TNXB: variants seen among roughly 807,000 people sequenced by gnomAD.
TNXB encodes the protein tenascin XB.
A neutral mutation model predicts 340.5 loss-of-function variants in TNXB; 183 were observed. The ratio of observed to expected loss-of-function variants is 0.54; its 90% CI spans 0.48 to 0.61. The LOEUF is 0.61. Among genes scored for constraint, TNXB ranks in the 20% least tolerant of loss-of-function variants. The pLI is 0.00. For missense variants in TNXB, 4,613 were observed against 5,446.4 expected (o/e 0.85, Z 4.82); for synonymous variants, 2,121 against 2,314.5 (o/e 0.92, Z 2.40).
Position 32,051,455 on chromosome 6 carries a change from T to C in TNXB, c.9116-1134A>G, listed in dbSNP as rs192282968. ...AATCTGTTACTGGGAGGAGCTTTGC[T>C]ACAAAGGTGTTCTGTGATTTGCACA... On this transcript the variant is annotated intron_variant, in intron 26 of 43. Transcript: ENST00000644971. This position sits in a 1 kb window ranked among gnomAD's most constrained non-coding sequence, Gnocchi z 4.7. Among the ~76,000 whole-genome samples the C allele has an allele frequency of 3.9e-5, 6 of 152,366 alleles. No individual in the cohort carries two copies. Among genetic ancestry groups the C allele is most frequent in the African/African-American group, 1.2e-4 (5 of 41,590 alleles).
At position 32,058,287 on chromosome 6, in the gene TNXB, T is replaced by A. The variant is rs751093629; in HGVS notation, c.7596A>T (p.Gly2532=). Reference sequence around the variant, plus strand: ...AAAGGCTCAGCGAGTCAGGGGAGGATCCTGTCACTGTCAGCTCCCCCAGGA... The same window carrying A: ...AAAGGCTCAGCGAGTCAGGGGAGGAACCTGTCACTGTCAGCTCCCCCAGGA... ...EPLLGELTVT[G]SSPDSLSLSW... The change falls in exon 22 of 44, where the codon GGA becomes GGT. Residue 2532 remains glycine, a synonymous_variant. Coordinates refer to ENST00000644971, the MANE Select transcript of TNXB (RefSeq NM_001365276.2). The surrounding 1 kb of genome is among the most constrained non-coding windows in gnomAD (Gnocchi z 5.1). 2.5e-6 allele frequency: 4 copies of A among 1,612,200 alleles called. No individual in the cohort carries two copies. Among genetic ancestry groups the A allele is most frequent in the Non-Finnish European group, 2.5e-6 (3 of 1,179,818 alleles).
chr6:32,096,174 G>T lies in TNXB; in HGVS notation c.1679C>A (p.Pro560His). 6.4e-7 allele frequency: 1 copy of T among 1,572,942 alleles called. No individual in the cohort carries two copies. The highest frequency in any genetic ancestry group is 2.4e-5 in the East Asian group (1 of 42,380). The part of the protein sequence containing the change: ...SGEDCSTRSC[P>H]GGCRGRGQCL... ...CTGGCCGCGGCCTCGGCAGCCCCCG[G>T]GGCAGCTGCGCGTGCTGCAGTCTTC... Residue 560 changes from proline (P) to histidine (H), a missense_variant, in exon 3 of 44, where the codon CCC becomes CAC. Around this residue, in one of 7 missense-constraint regions of TNXB, gnomAD observed 4,327 missense variants for 4,859.4 expected, o/e 0.89. Transcript: ENST00000644971.
In TNXB at chr6:32,041,758, C is replaced by A. The variant is rs1776418223; in HGVS notation, c.12633+13G>T. 1 of 733,910 alleles carries A rather than the reference C, an allele frequency of 1.4e-6. No individual in the cohort carries two copies. The highest frequency in any genetic ancestry group is 2.6e-5 in the Admixed American group (1 of 38,912). The allele number at this position is 733,910 out of a possible 1,614,324, so 45.5% of individuals were successfully genotyped here. On this transcript the variant is annotated intron_variant, in intron 43 of 43. Coordinates refer to ENST00000644971, the MANE Select transcript of TNXB (RefSeq NM_001365276.2). ...CAGCCACCCCAGCTCTGAGCCGCCTCCCCACCCCTCACCTGATGGTCCACT... is the reference window on the plus strand; with the variant it reads ...CAGCCACCCCAGCTCTGAGCCGCCTACCCACCCCTCACCTGATGGTCCACT...
intron 1 of TNXB, among the ~76,000 whole-genome samples, chr6:32,099,363 G>T (rs1367072511): frequency 6.6e-6 from 1 of 151,958 alleles, no homozygotes; most frequent in African/African-American, 2.4e-5. Flanking sequence ...CTCCTGAGTA[G>T]CTGGGATTAT....
In TNXB at chr6:32,049,271, C is replaced by T. The variant is rs753566265; in HGVS notation, c.9756G>A (p.Thr3252=). 9 of 1,609,264 alleles carry T rather than the reference C, an allele frequency of 5.6e-6. No individual in the cohort carries two copies. The highest frequency in any genetic ancestry group is 5.5e-5 in the South Asian group (5 of 90,896). ...RVGPVSTVGI[T]APLPTPLPVE... Reference sequence around the variant, plus strand: ...ACGAGGGCCTGTCCCCCCACTCACCCGTGATGCCCACGGTGGACACTGGGC... The same window carrying T: ...ACGAGGGCCTGTCCCCCCACTCACCTGTGATGCCCACGGTGGACACTGGGC... Residue 3252 remains threonine (T), a splice_region_variant and synonymous_variant, in exon 28 of 44, where the codon ACG becomes ACA. Transcript: ENST00000644971. This position sits in a 1 kb window ranked among gnomAD's most constrained non-coding sequence, Gnocchi z 4.5.
At position 32,062,054 on chromosome 6, in the gene TNXB, G is replaced by A; in HGVS notation, c.7168+103C>T. Reference sequence around the variant, plus strand: ...CCCAGCCCCAGCCACAAGTAGGTCTGTGGTGCTGACCAGACCCGTCCCATT... The same window carrying A: ...CCCAGCCCCAGCCACAAGTAGGTCTATGGTGCTGACCAGACCCGTCCCATT... On this transcript the variant is annotated intron_variant, in intron 20 of 43. Coordinates refer to ENST00000644971, the MANE Select transcript of TNXB (RefSeq NM_001365276.2). The surrounding 1 kb of genome is among the most constrained non-coding windows in gnomAD (Gnocchi z 4.3). The A allele has an allele frequency of 7.2e-7, 1 of 1,396,992 alleles. No individual in the cohort carries two copies. The highest frequency in any genetic ancestry group is 9.7e-7 in the Non-Finnish European group (1 of 1,030,658). 86.5% of individuals were successfully genotyped at this position (1,396,992 alleles called of 1,614,324 possible). A position where few individuals can be genotyped will look rare whatever the true frequency, so the allele number is the denominator to read the frequency against.
chr6:32,061,664 G>A lies in TNXB; in HGVS notation c.7225C>T (p.Pro2409Ser). 1 of 1,612,722 alleles carries A rather than the reference G, an allele frequency of 6.2e-7. No individual in the cohort carries two copies. The highest frequency in any genetic ancestry group is 8.5e-7 in the Non-Finnish European group (1 of 1,179,824). The stretch of plus-strand genomic sequence containing the variant: ...AGCTCCCCCAGGAGCGGCTCCTCAG[G>A]GGGCTCCGGGGCCTCCATGCTGGGT... The part of the protein sequence containing the change: ...TEPSMEAPEP[P>S]EEPLLGELTV... The change falls in exon 21 of 44, where the codon CCT becomes TCT. Residue 2409 changes from proline to serine, a missense_variant. Physicochemically the swap from Pro to Ser is moderately conservative, Grantham distance 74. This residue lies in a region of TNXB where 4,327 missense variants were observed against 4,859.4 expected (regional missense o/e 0.89). Transcript: ENST00000644971. The surrounding 1 kb of genome is among the most constrained non-coding windows in gnomAD (Gnocchi z 4.4).
rs1376567140 is a variant in TNXB, at chr6:32,074,136, C to G, written c.4376-184G>C. The stretch of plus-strand genomic sequence containing the variant: ...GGTTCAAGCGATCCTCCTGCCTTAG[C>G]CTCCCAAGTAGCTGGGACTACAGGC... On this transcript the variant is annotated intron_variant, in intron 11 of 43. Transcript: ENST00000644971. This position sits in a 1 kb window ranked among gnomAD's most constrained non-coding sequence, Gnocchi z 5.5. Among the ~76,000 whole-genome samples the G allele has an allele frequency of 2.0e-5, 3 of 152,216 alleles. No homozygotes were observed. The highest frequency in any genetic ancestry group is 4.4e-5 in the Non-Finnish European group (3 of 68,024).
Position 32,070,072 on chromosome 6 carries a change from T to C in TNXB, c.5278+55A>G, listed in dbSNP as rs1200107734. 4 of 1,483,616 alleles carry C rather than the reference T, an allele frequency of 2.7e-6. No individual in the cohort carries two copies. The highest frequency in any genetic ancestry group is 3.6e-6 in the Non-Finnish European group (4 of 1,122,016). The allele number at this position is 1,483,616 out of a possible 1,614,324, so 91.9% of individuals were successfully genotyped here. A position where few individuals can be genotyped will look rare whatever the true frequency, so the allele number is the denominator to read the frequency against. ...TAATGGCAGCCACCACAAGTGACCG[T>C]CTGCTGCTTGGCCTGAGGGGAGCAG... On this transcript the variant is annotated intron_variant, in intron 14 of 43. Coordinates refer to ENST00000644971, the MANE Select transcript of TNXB (RefSeq NM_001365276.2). This position sits in a 1 kb window ranked among gnomAD's most constrained non-coding sequence, Gnocchi z 6.0.
In TNXB at chr6:32,070,109, G is replaced by A. The variant is rs756406522; in HGVS notation, c.5278+18C>T. ...CCTGAGGGGAGCAGAGCAGGGACCT[G>A]CAGGGAATGCCCCTCACCCGTGGTG... On this transcript the variant is annotated intron_variant, in intron 14 of 43. Coordinates refer to ENST00000644971, the MANE Select transcript of TNXB (RefSeq NM_001365276.2). The surrounding 1 kb of genome is among the most constrained non-coding windows in gnomAD (Gnocchi z 6.0). The A allele has an allele frequency of 3.2e-6, 5 of 1,539,158 alleles. No individual in the cohort carries two copies. The highest frequency in any genetic ancestry group is 4.4e-6 in the Non-Finnish European group (5 of 1,142,024).
intron 1 of TNXB, among the ~76,000 whole-genome samples, chr6:32,106,140 G>A (rs570364877): frequency 6.6e-6 from 1 of 151,020 alleles, no homozygotes; most frequent in Non-Finnish European, 1.5e-5. Context: ...ATGGGGGGGG[G>A]GGCTTCTGGG....
At position 32,082,381 on chromosome 6, in the gene TNXB, A is replaced by C; in HGVS notation, c.3446-55T>G. Reference sequence around the variant, plus strand: ...GACTTAGGTCCAAGGAGAATGGGGAAGCCAAATCCCACATAGGAATGCTGT... The same window carrying C: ...GACTTAGGTCCAAGGAGAATGGGGACGCCAAATCCCACATAGGAATGCTGT... On this transcript the variant is annotated intron_variant, in intron 8 of 43. Transcript: ENST00000644971. The surrounding 1 kb of genome is among the most constrained non-coding windows in gnomAD (Gnocchi z 5.0). 6.6e-7 allele frequency: 1 copy of C among 1,504,830 alleles called. No individual in the cohort carries two copies. Among genetic ancestry groups the C allele is most frequent in the Non-Finnish European group, 9.0e-7 (1 of 1,116,108 alleles). The allele number at this position is 1,504,830 out of a possible 1,614,324, so 93.2% of individuals were successfully genotyped here.
intron 1 of TNXB, among the ~76,000 whole-genome samples, chr6:32,106,345 T>TA (rs1780980858): frequency 6.6e-6 from 1 of 151,746 alleles, no homozygotes; most frequent in South Asian, 2.1e-4. Context: ...AGGATTCAGC[T>TA]AGGGTGAAGA....
chr6:32,061,632 C>A lies in TNXB; in HGVS notation c.7257G>T (p.Val2419=). 6.2e-7 allele frequency: 1 copy of A among 1,612,800 alleles called. No individual in the cohort carries two copies. Among genetic ancestry groups the A allele is most frequent in the Non-Finnish European group, 8.5e-7 (1 of 1,179,828 alleles). Residue 2419 remains valine (V), a synonymous_variant, in exon 21 of 44, where the codon GTG becomes GTT. Transcript: ENST00000644971. This position sits in a 1 kb window ranked among gnomAD's most constrained non-coding sequence, Gnocchi z 4.4. The part of the protein sequence containing the change: ...PEEPLLGELT[V]TGSSPDSLSL... Reference sequence around the variant, plus strand: ...TCAGCGAGTCAGGGGAGGATCCTGTCACTGTTAGCTCCCCCAGGAGCGGCT... The same window carrying A: ...TCAGCGAGTCAGGGGAGGATCCTGTAACTGTTAGCTCCCCCAGGAGCGGCT...
In TNXB at chr6:32,099,656, G is replaced by A. The variant is rs1467324084; in HGVS notation, c.-8-1450C>T. 3.3e-5 allele frequency among the ~76,000 whole-genome samples: 5 copies of A among 151,450 alleles called. No individual in the cohort carries two copies. The East Asian group carries it at 9.6e-4, about 29-fold the overall frequency. ...TGGGATTAAAAGCATGAGCCACCATGCTTGGCTTCTCTCTCTTTTTTATTC... is the reference window on the plus strand; with the variant it reads ...TGGGATTAAAAGCATGAGCCACCATACTTGGCTTCTCTCTCTTTTTTATTC... On this transcript the variant is annotated intron_variant, in intron 1 of 43. Transcript: ENST00000644971.
At position 32,087,824 on chromosome 6, in the gene TNXB, G is replaced by T. The variant is rs547322379; in HGVS notation, c.2779+961C>A. On this transcript the variant is annotated intron_variant, in intron 6 of 43. Coordinates refer to ENST00000644971, the MANE Select transcript of TNXB (RefSeq NM_001365276.2). This position sits in a 1 kb window ranked among gnomAD's most constrained non-coding sequence, Gnocchi z 9.0. ...GCCGTCAGGTTGCCCCAAGGCCGCC[G>T]TGGGGGCTGGGACAGGCTTGGCCTG... 206 of 506,872 alleles carry T rather than the reference G, an allele frequency of 4.1e-4. 1 individual carries two copies. The highest frequency in any genetic ancestry group is 2.6e-3 in the South Asian group (185 of 70,306). 31.4% of individuals were successfully genotyped at this position (506,872 alleles called of 1,614,324 possible). A position where few individuals can be genotyped will look rare whatever the true frequency, so the allele number is the denominator to read the frequency against.
chr6:32,059,258 A>G lies in TNXB; in HGVS notation c.7493-868T>C, dbSNP rs372838177. Among the ~76,000 whole-genome samples the G allele has an allele frequency of 3.3e-5, 5 of 151,268 alleles. No homozygotes were observed. In the East Asian group the frequency reaches 5.8e-4, roughly 18 times the overall value. On this transcript the variant is annotated intron_variant, in intron 21 of 43. Coordinates refer to ENST00000644971, the MANE Select transcript of TNXB (RefSeq NM_001365276.2). ...ATATCATGAAACCCGGTCTCTACTG[A>G]AAATACAAAAATTAGCCAGGCGTGG...
rs41270450 is a variant in TNXB, at chr6:32,049,396, G to A, written c.9631C>T (p.Arg3211Cys). ...ACCTCGCTCTCCTCGCCCCTGACAC[G>A]CACCACCTGGGGCTGCCCGTCCCTG... ...KDRDGQPQVV[R>C]VRGEESEVTV... Residue 3211 changes from arginine (R) to cysteine (C), a missense_variant, in exon 28 of 44, where the codon CGT (arginine) becomes TGT (cysteine). This residue lies in a region of TNXB where 4,327 missense variants were observed against 4,859.4 expected (regional missense o/e 0.89). Transcript: ENST00000644971. The surrounding 1 kb of genome is among the most constrained non-coding windows in gnomAD (Gnocchi z 4.5). The A allele has an allele frequency of 1.9e-6, 3 of 1,612,558 alleles. No individual in the cohort carries two copies. Among genetic ancestry groups the A allele is most frequent in the South Asian group, 2.2e-5 (2 of 91,024 alleles).
In TNXB at chr6:32,053,582, A is replaced by T. The variant is rs746830728; in HGVS notation, c.8597T>A (p.Val2866Asp). The T allele has an allele frequency of 6.8e-6, 11 of 1,613,438 alleles. No homozygotes were observed. Among genetic ancestry groups the T allele is most frequent in the Non-Finnish European group, 9.3e-6 (11 of 1,179,842 alleles). The part of the protein sequence containing the change: ...TPDSLSLSWM[V>D]PEGQFDHFLV... ...GAAGTGGTCAAACTGGCCCTCGGGGACCATCCAGGACAGGCTGAGGGAGTC... is the reference window on the plus strand; with the variant it reads ...GAAGTGGTCAAACTGGCCCTCGGGGTCCATCCAGGACAGGCTGAGGGAGTC... Residue 2866 changes from valine to aspartate, a missense_variant, in exon 25 of 44, where the codon GTC becomes GAC. Val to Asp is a radical substitution (Grantham distance 152, BLOSUM62 -3). Around this residue, in one of 7 missense-constraint regions of TNXB, gnomAD observed 4,327 missense variants for 4,859.4 expected, o/e 0.89. Coordinates refer to ENST00000644971, the MANE Select transcript of TNXB (RefSeq NM_001365276.2).
Sources: allele counts gnomAD v4.1 joint callset (sites outside exome capture counted in the v4.1 genomes callset), GRCh38; gene constraint gnomAD v4.1.1; regional missense constraint gnomAD v4.1.1; non-coding constraint Gnocchi (gnomAD v3.1); transcripts MANE v1.5; gene names NCBI Gene and HGNC (gene_info 2026-07-23, HGNC 2026-07-21).